CSMD1: variants seen among roughly 807,000 people sequenced by gnomAD.
The protein encoded by CSMD1 is CUB and sushi domain-containing protein 1.
Under a neutral mutation model 417.5 loss-of-function variants are expected in CSMD1, and 213 were observed. That is an observed-to-expected ratio of 0.51 (90% CI 0.46 to 0.57). CSMD1 has a LOEUF of 0.57. Among genes scored for constraint, CSMD1 ranks in the 20% least tolerant of loss-of-function variants. The pLI, the probability that CSMD1 is intolerant of heterozygous loss-of-function variation, is 0.00. For synonymous variants in CSMD1, 2,862 were observed against 1,736.8 expected (o/e 1.65, Z -16.11); for missense variants, 6,923 against 4,529.7 (o/e 1.53, Z -15.17).
chr8:4,910,793 T>C (rs78177764), intron 1 of CSMD1, among the ~76,000 whole-genome samples: 3,476 of 152,282 alleles, frequency 0.023, 39 homozygotes, highest in Middle Eastern at 0.061. Flanking sequence ...TGGGAAAATA[T>C]AGTCATCCAA....
Position 3,270,922 on chromosome 8 carries a change from T to A in CSMD1, c.4153+13222A>T, listed in dbSNP as rs200753324. 1.7e-3 allele frequency among the ~76,000 whole-genome samples: 214 copies of A among 124,810 alleles called. 1 individual carries two copies. The highest frequency in any genetic ancestry group is 3.2e-3 in the Admixed American group (39 of 12,170). 81.9% of individuals were successfully genotyped at this position (124,810 alleles called of 152,430 possible). A position where few individuals can be genotyped will look rare whatever the true frequency, so the allele number is the denominator to read the frequency against. ...TCACATCTTTTTTTCTTTTTTTTTT[T>A]AATTTTTTATTTATTATTATTATAC... On this transcript the variant is annotated intron_variant, in intron 26 of 69. Coordinates refer to ENST00000635120, the MANE Select transcript of CSMD1 (RefSeq NM_033225.6).
intron 5 of CSMD1, among the ~76,000 whole-genome samples, chr8:3,862,919 T>G (rs1167657313): frequency 6.6e-6 from 1 of 152,140 alleles, no homozygotes; most frequent in Non-Finnish European, 1.5e-5. Context: ...AAATTACATT[T>G]GTCTGGGGAT....
At chr8:3,650,457 C>G (rs1452482853) in intron 7 of CSMD1, among the ~76,000 whole-genome samples, 1 of 152,112 alleles carries the variant, frequency 6.6e-6, no homozygotes, top group Non-Finnish European at 1.5e-5. Flanking sequence ...CATCGAAGAA[C>G]TCATCATGCT....
intron 49 of CSMD1, among the ~76,000 whole-genome samples, chr8:3,080,298 GT>G (rs1331524515): frequency 1.3e-5 from 2 of 152,186 alleles, no homozygotes; most frequent in African/African-American, 4.8e-5. Context: ...TAAGATTAGT[GT>G]GCTGATAATG....
intron 3 of CSMD1, among the ~76,000 whole-genome samples, chr8:4,048,095 T>A (rs190845843): frequency 1.3e-4 from 20 of 152,298 alleles, no homozygotes; most frequent in Admixed American, 2.6e-4. Flanking sequence ...GATAAGTATC[T>A]CAGGGTAGAC....
intron 8 of CSMD1, among the ~76,000 whole-genome samples, chr8:3,587,653 A>T (rs1396988537): frequency 2.0e-5 from 3 of 152,176 alleles, no homozygotes; most frequent in South Asian, 4.2e-4. Context: ...GGATGTCGGC[A>T]ACAGCCATCA....
At chr8:3,789,265 G>A (rs577277369) in intron 5 of CSMD1, among the ~76,000 whole-genome samples, 2 of 152,060 alleles carry the variant, frequency 1.3e-5, no homozygotes, top group Admixed American at 6.5e-5. Flanking sequence ...GGACTTCCCA[G>A]CCTCCTGAAC....
chr8:3,022,121 G>A (rs1345754442), intron 51 of CSMD1, among the ~76,000 whole-genome samples: 1 of 141,994 alleles, frequency 7.0e-6, no homozygotes, highest in Admixed American at 7.2e-5. Flanking sequence ...GAATACACCC[G>A]CAATCCCACA....
At chr8:3,902,815 A>G (rs143065555) in intron 5 of CSMD1, among the ~76,000 whole-genome samples, 1 of 152,278 alleles carries the variant, frequency 6.6e-6, no homozygotes, top group Non-Finnish European at 1.5e-5. Context: ...ATTAAATTAC[A>G]TAATGCACTG....
chr8:3,121,063 A>G (rs1319263664), intron 41 of CSMD1, among the ~76,000 whole-genome samples: 1 of 150,468 alleles, frequency 6.6e-6, no homozygotes, highest in African/African-American at 2.5e-5. Context: ...TTGCAGCATT[A>G]TTTACACTAC....
At chr8:3,375,524 ATTT>A (rs1810252979) in intron 18 of CSMD1, among the ~76,000 whole-genome samples, 3 of 152,218 alleles carry the variant, frequency 2.0e-5, no homozygotes, top group African/African-American at 7.2e-5. Flanking sequence ...GAAGTCGCTG[ATTT>A]TATTCATATA....
At chr8:4,279,749 GA>G (rs1302048136) in intron 3 of CSMD1, among the ~76,000 whole-genome samples, 6 of 151,830 alleles carry the variant, frequency 4.0e-5, no homozygotes, top group East Asian at 3.9e-4. Context: ...TTCTAATGAA[GA>G]AAAAAAATAA....
intron 3 of CSMD1, among the ~76,000 whole-genome samples, chr8:4,200,973 T>C (rs1176130730): frequency 6.6e-6 from 1 of 152,174 alleles, no homozygotes; most frequent in African/African-American, 2.4e-5. Flanking sequence ...GTTGTCTTAT[T>C]AGTTTACTTT....
chr8:3,491,344 G>A (rs1818368303), intron 11 of CSMD1, among the ~76,000 whole-genome samples: 2 of 152,122 alleles, frequency 1.3e-5, no homozygotes, highest in South Asian at 4.1e-4. Flanking sequence ...ATAAAGCAAT[G>A]ATATTATTAG....
At chr8:3,142,209 T>C (rs893847589) in intron 41 of CSMD1, among the ~76,000 whole-genome samples, 5 of 152,160 alleles carry the variant, frequency 3.3e-5, no homozygotes, top group Non-Finnish European at 7.4e-5. Flanking sequence ...TCTTTCTCCA[T>C]TGCAATTCCC....
intron 5 of CSMD1, among the ~76,000 whole-genome samples, chr8:3,912,950 T>C (rs971266486): frequency 6.6e-6 from 1 of 152,104 alleles, no homozygotes; most frequent in Non-Finnish European, 1.5e-5. Context: ...GGTGTGAACA[T>C]GGATTGAGAG....
chr8:3,189,093 A>G, intron 34 of CSMD1, 82 bp from the exon 35 acceptor site: 10 of 1,299,232 alleles, frequency 7.7e-6, no homozygotes, highest in Non-Finnish European at 1.1e-5. Context: ...TCACTGTGTG[A>G]CCACACAGTA....
intron 17 of CSMD1, among the ~76,000 whole-genome samples, chr8:3,392,468 C>T (rs184700133): frequency 1.2e-3 from 183 of 152,072 alleles, no homozygotes; most frequent in African/African-American, 3.9e-3. Context: ...TTCTCTTCCA[C>T]GCTTTGCCAC....
chr8:4,346,078 T>C (rs955893276), intron 3 of CSMD1, among the ~76,000 whole-genome samples: 1 of 152,176 alleles, frequency 6.6e-6, no homozygotes, highest in Non-Finnish European at 1.5e-5. Context: ...CATGTGTGAA[T>C]ACGAAAGTAC....
Sources: gnomAD v4.1 joint callset for allele counts (sites outside exome capture counted in the v4.1 genomes callset) on GRCh38, gnomAD v4.1.1 for gene constraint, MANE v1.5 for transcripts, NCBI Gene and HGNC (gene_info 2026-07-23, HGNC 2026-07-21) for gene names.